Variants in LRIT1 observed in about 807,000 individuals in gnomAD.
The protein encoded by LRIT1 is leucine rich repeat, Ig-like and transmembrane domains 1, also known as leucine-rich repeat, immunoglobulin-like domain and transmembrane domain-containing protein 1.
A neutral mutation model predicts 24.0 loss-of-function variants in LRIT1; 23 were observed. That is an observed-to-expected ratio of 0.96 (90% CI 0.69 to 1.36). The LOEUF (loss-of-function observed/expected upper bound fraction) is 1.36, where lower values mean the gene tolerates loss of function less well. Among genes scored for constraint, LRIT1 ranks in the 40% most tolerant of loss-of-function variants. LRIT1 has a pLI of 0.00. For synonymous variants in LRIT1, 361 were observed against 340.5 expected, an observed-to-expected ratio of 1.06 and a Z score of -0.66; for missense variants, 846 against 806.3, an observed-to-expected ratio of 1.05 and a Z score of -0.60.
chr10:84,235,673 C>T (rs889163066), intron 2 of LRIT1, among the ~76,000 whole-genome samples: 7 of 152,082 alleles, frequency 4.6e-5, no homozygotes, highest in Non-Finnish European at 1.0e-4. Flanking sequence ...TGCAGTGGAG[C>T]AACCTTGGCT....
Position 84,232,679 on chromosome 10 carries a change from AAGC to A in LRIT1, c.1117_1119del (p.Ala373del), listed in dbSNP as rs1230373162. 2 of 1,613,582 alleles carry A rather than the reference AAGC, an allele frequency of 1.2e-6. No individual in the cohort carries two copies. The highest frequency in any genetic ancestry group is 2.7e-5 in the African/African-American group (2 of 74,904). ...TGCCTGGCCACCAGCTTGTTGTTGT[AAGC>A]AGCAGCTTCCCCTCCGCCACCTGTC... On this transcript the variant is annotated inframe_deletion, in exon 4 of 4. Transcript: ENST00000372105.
At position 84,241,347 on chromosome 10, in the gene LRIT1, G is replaced by A; in HGVS notation, c.93C>T (p.Leu31=). 1 of 1,613,798 alleles carries A rather than the reference G, an allele frequency of 6.2e-7. No homozygotes were observed. Among genetic ancestry groups the A allele is most frequent in the Non-Finnish European group, 8.5e-7 (1 of 1,179,922 alleles). ...CCTTGCTGCCATCACCCATGATATGGAGGCTGCAGCTGCATTGAGAGGGGC... is the reference window on the plus strand; with the variant it reads ...CCTTGCTGCCATCACCCATGATATGAAGGCTGCAGCTGCATTGAGAGGGGC... The part of the protein sequence containing the change: ...GFCPSQCSCS[L]HIMGDGSKAR... The change falls in exon 1 of 4, where the codon CTC becomes CTT. Residue 31 remains leucine (L), a synonymous_variant. Transcript: ENST00000372105.
chr10:84,237,799 C>T (rs927969249), intron 1 of LRIT1, 113 bp from the exon 2 acceptor site: 6 of 784,268 alleles, frequency 7.7e-6, no homozygotes, highest in African/African-American at 5.2e-5. Flanking sequence ...CGGACACCCA[C>T]ACCAGAGTCC....
rs756519458 is a variant in LRIT1 at position 84,232,569 on chromosome 10, G to A, written c.1230C>T (p.Phe410=). ...AGAGCTCTCCCAGGGCATCCATCTG[G>A]AAGTGCTCAAGGGTCAGCTCCTCCT... is the stretch of plus-strand genomic sequence containing the variant. The part of the protein sequence containing the change: ...STKEELTLEH[F]QMDALGELSD... The change falls in exon 4 of 4, where the codon TTC becomes TTT. Residue 410 remains phenylalanine, a synonymous_variant. Transcript: ENST00000372105. 5.6e-6 allele frequency: 9 copies of A among 1,614,182 alleles called. No homozygotes were observed. The highest frequency in any genetic ancestry group is 3.3e-5 in the South Asian group (3 of 91,084).
intron 2 of LRIT1, among the ~76,000 whole-genome samples, chr10:84,234,624 G>A (rs6585848): frequency 0.49 from 74,347 of 152,074 alleles, 20,247 homozygotes; most frequent in African/African-American, 0.74. Context: ...ATTAAGTACC[G>A]GGTAGATATA....
chr10:84,236,856 G>A (rs1205083721), intron 2 of LRIT1, among the ~76,000 whole-genome samples: 1 of 152,312 alleles, frequency 6.6e-6, no homozygotes, highest in African/African-American at 2.4e-5. Context: ...GACCAGGCAG[G>A]TGCCTTGGGC....
chr10:84,238,720 G>A (rs1842671632), intron 1 of LRIT1, among the ~76,000 whole-genome samples: 1 of 152,228 alleles, frequency 6.6e-6, no homozygotes, highest in Non-Finnish European at 1.5e-5. Flanking sequence ...CCAAGGGTAT[G>A]GATCACTGTC....
At chr10:84,238,352 CAAA>C (rs34171796) in intron 1 of LRIT1, among the ~76,000 whole-genome samples, 2 of 122,106 alleles carry the variant, frequency 1.6e-5, no homozygotes, top group Non-Finnish European at 1.8e-5. Context: ...AAGACTGTCT[CAAA>C]AAAAAAAAAA....
chr10:84,240,416 C>T (rs771555457), intron 1 of LRIT1, among the ~76,000 whole-genome samples: 4 of 152,228 alleles, frequency 2.6e-5, no homozygotes, highest in Non-Finnish European at 4.4e-5. Flanking sequence ...ATCAACTCGA[C>T]ATTCATTGCC....
chr10:84,241,221 A>G, intron 1 of LRIT1, 97 bp downstream of exon 1: 2 of 1,557,944 alleles, frequency 1.3e-6, no homozygotes, highest in Non-Finnish European at 1.8e-6. Context: ...GGAGATGAAG[A>G]CCTCACCCAG....
In LRIT1 at chr10:84,241,389, G is replaced by T; in HGVS notation, c.51C>A (p.Pro17=). ...GAGAGGGGCAGAAGCCCCGGGCCTG[G>T]GGGGGCCACGCAAGGGCCAAGAGCC... ...MLWLLALAWP[P]QARGFCPSQC... is the part of the protein sequence containing the mutation. The change falls in exon 1 of 4, where the codon CCC becomes CCA. Residue 17 remains proline (P), a synonymous_variant. Transcript: ENST00000372105. 2.5e-6 allele frequency: 4 copies of T among 1,611,604 alleles called. No homozygotes were observed. Among genetic ancestry groups the T allele is most frequent in the Non-Finnish European group, 3.4e-6 (4 of 1,178,954 alleles).
chr10:84,232,230 G>A lies in LRIT1; in HGVS notation c.1569C>T (p.Asn523=), dbSNP rs778014121. The change falls in exon 4 of 4, where the codon AAC becomes AAT. Residue 523 remains asparagine, a synonymous_variant. Transcript: ENST00000372105. ...CCACCACATTGATAAGCTGCTGAGT[G>A]TTCTCAGCATCCACCACTTCATTGG... The part of the protein sequence containing the change: ...FSTNEVVDAE[N]TQQLINVVVI... 1.9e-6 allele frequency: 3 copies of A among 1,614,046 alleles called. No homozygotes were observed. The highest frequency in any genetic ancestry group is 2.2e-5 in the East Asian group (1 of 44,878).
chr10:84,234,118 C>T lies in LRIT1; in HGVS notation c.850G>A (p.Glu284Lys), dbSNP rs374710264. ...RCGATGVPGP[E>K]MSWRRANGRP... is the part of the protein sequence containing the mutation. ...CCATTGGCCCTCCTCCAGCTCATCT[C>T]GGGCCCAGGGACTCCAGTAGCTCCA... Residue 284 changes from glutamate to lysine, a missense_variant, in exon 3 of 4, where the codon GAG (glutamate) becomes AAG (lysine). Coordinates refer to ENST00000372105, the MANE Select transcript of LRIT1 (RefSeq NM_015613.3). 76 of 1,590,348 alleles carry T rather than the reference C, an allele frequency of 4.8e-5. No individual in the cohort carries two copies. The highest frequency in any genetic ancestry group is 1.1e-4 in the African/African-American group (8 of 74,314).
chr10:84,236,295 CA>C lies in LRIT1; in HGVS notation c.589+924del, dbSNP rs767871274. Among the ~76,000 whole-genome samples, 859 of 119,674 alleles carry C rather than the reference CA, an allele frequency of 7.2e-3. 1 individual carries two copies. Among genetic ancestry groups the C allele is most frequent in the South Asian group, 0.023 (85 of 3,728 alleles). The allele number at this position is 119,674 out of a possible 152,430, so 78.5% of individuals were successfully genotyped here. Reference sequence around the variant, plus strand: ...TGGGCGACAGAGCAAGACTCCGTCTCAAAAAAAAAAAAAGGAATGTATTGCC... The same window carrying C: ...TGGGCGACAGAGCAAGACTCCGTCTCAAAAAAAAAAAAGGAATGTATTGCC... On this transcript the variant is annotated intron_variant, in intron 2 of 3. Coordinates refer to ENST00000372105, the MANE Select transcript of LRIT1 (RefSeq NM_015613.3).
At position 84,232,905 on chromosome 10, in the gene LRIT1, T is replaced by C; in HGVS notation, c.896-2A>G. ...CGTCACTGGAGACTTCCTGGTGCAC[T>C]AGGAGGAAAACAGGCATGTGTGGGA... On this transcript the variant is annotated splice_acceptor_variant, in intron 3 of 3. Transcript: ENST00000372105. LOFTEE classifies it high-confidence loss of function. 6.2e-7 allele frequency: 1 copy of C among 1,608,164 alleles called. No homozygotes were observed.
intron 2 of LRIT1, among the ~76,000 whole-genome samples, chr10:84,236,157 G>A (rs1032580041): frequency 4.6e-5 from 7 of 151,864 alleles, no homozygotes; most frequent in Middle Eastern, 3.2e-3. Context: ...TTAGCCAGGC[G>A]TGGTGGCAGG....
rs1480269048 is a variant in LRIT1 at position 84,232,332 on chromosome 10, C to A, written c.1467G>T (p.Leu489Phe). ...GKTRVTITGL[L>F]PKTKYVACVC... ...CACACGCCACATACTTGGTCTTGGGCAACAGCCCAGTGATGGTCACTCTGG... is the reference window on the plus strand; with the variant it reads ...CACACGCCACATACTTGGTCTTGGGAAACAGCCCAGTGATGGTCACTCTGG... Residue 489 changes from leucine to phenylalanine, a missense_variant, in exon 4 of 4, where the codon TTG becomes TTT. By Grantham distance (22) the Leu-to-Phe change is conservative. Coordinates refer to ENST00000372105, the MANE Select transcript of LRIT1 (RefSeq NM_015613.3). 1 of 1,613,858 alleles carries A rather than the reference C, an allele frequency of 6.2e-7. No individual in the cohort carries two copies. Among genetic ancestry groups the A allele is most frequent in the Admixed American group, 1.7e-5 (1 of 59,994 alleles).
chr10:84,238,085 G>A (rs1227493830), intron 1 of LRIT1, among the ~76,000 whole-genome samples: 1 of 152,202 alleles, frequency 6.6e-6, no homozygotes, highest in Non-Finnish European at 1.5e-5. Context: ...CGGGCACAGT[G>A]GCTCACGCCT....
chr10:84,233,961 G>A (rs3814207), intron 3 of LRIT1, 112 bp downstream of exon 3: 399,075 of 1,000,294 alleles, frequency 0.4, 85,282 homozygotes, highest in African/African-American at 0.75. Context: ...ACAGGTGGAA[G>A]CCCAGCTTTG....
Sources: gnomAD v4.1 joint callset for allele counts (sites outside exome capture counted in the v4.1 genomes callset) on GRCh38, gnomAD v4.1.1 for gene constraint, MANE v1.5 for transcripts, NCBI Gene and HGNC (gene_info 2026-07-23, HGNC 2026-07-21) for gene names.